WDR11: variants seen among roughly 807,000 people sequenced by gnomAD.
WDR11 encodes the protein WD repeat domain 11, also known as WD repeat-containing protein 11.
In WDR11, 83 loss-of-function variants were observed where a neutral mutation model predicts 151.2. The observed-to-expected ratio is 0.55, with a 90% CI of 0.46 to 0.66. The LOEUF (loss-of-function observed/expected upper bound fraction) is 0.66, where lower values mean the gene tolerates loss of function less well. WDR11 is among the 30% of genes least tolerant of loss of function. The pLI, the probability that WDR11 is intolerant of heterozygous loss-of-function variation, is 0.00. For missense variants in WDR11, 1,301 were observed against 1,480.9 expected, an observed-to-expected ratio of 0.88 and a Z score of 1.99; for synonymous variants, 484 against 533.1, an observed-to-expected ratio of 0.91 and a Z score of 1.27.
chr10:120,889,185 G>C lies in WDR11; in HGVS notation c.2228+1G>C. On this transcript the variant is annotated splice_donor_variant, in intron 17 of 28. Coordinates refer to ENST00000263461, the MANE Select transcript of WDR11 (RefSeq NM_018117.12). LOFTEE classifies it high-confidence loss of function. ...GGGACTTGAAAGGCAGAGTATCCAG[G>C]TATAAGCCAAGAATGAAATCTTGTT... 6.3e-7 allele frequency: 1 copy of C among 1,578,612 alleles called. No homozygotes were observed. Among genetic ancestry groups the C allele is most frequent in the Non-Finnish European group, 8.7e-7 (1 of 1,147,924 alleles).
rs1845770788 is a variant in WDR11, at chr10:120,851,517, C to T, written c.86+11C>T. 6.2e-7 allele frequency: 1 copy of T among 1,608,248 alleles called. No individual in the cohort carries two copies. Among genetic ancestry groups the T allele is most frequent in the South Asian group, 1.1e-5 (1 of 89,758 alleles). On this transcript the variant is annotated intron_variant, in intron 1 of 28. Coordinates refer to ENST00000263461, the MANE Select transcript of WDR11 (RefSeq NM_018117.12). ...GGCGGCGGTGGACTGGTGAGGACGCCGAGCTTCCAGGTCGCCAGGATCGGC... is the reference window on the plus strand; with the variant it reads ...GGCGGCGGTGGACTGGTGAGGACGCTGAGCTTCCAGGTCGCCAGGATCGGC...
In WDR11 at chr10:120,905,930, C is replaced by T. The variant is rs774331223; in HGVS notation, c.3346C>T (p.Leu1116Phe). ...ADVLRRWVDH[L>F]CSPQVNQKSK... ...TGTTTTAAGGCGGTGGGTTGACCAC[C>T]TTTGTTCTCCACAAGTCAATCAGAA... The change falls in exon 27 of 29, where the codon CTT becomes TTT. Residue 1116 changes from leucine to phenylalanine, a missense_variant. Leu to Phe is a conservative substitution (Grantham distance 22). Coordinates refer to ENST00000263461, the MANE Select transcript of WDR11 (RefSeq NM_018117.12). 3 of 1,614,176 alleles carry T rather than the reference C, an allele frequency of 1.9e-6. No homozygotes were observed. The highest frequency in any genetic ancestry group is 2.5e-6 in the Non-Finnish European group (3 of 1,180,046).
rs200941338 is a variant in WDR11, at chr10:120,890,707, C to T, written c.2344-9C>T. ...TGTCTGGAAGTGATGCCCAAATTCACTCTTGAAGGTTCAGATGGTGAGCAG... is the reference window on the plus strand; with the variant it reads ...TGTCTGGAAGTGATGCCCAAATTCATTCTTGAAGGTTCAGATGGTGAGCAG... On this transcript the variant is annotated splice_polypyrimidine_tract_variant and intron_variant, in intron 18 of 28. Transcript: ENST00000263461. 1,705 of 1,614,146 alleles carry T rather than the reference C, an allele frequency of 1.1e-3. 4 individuals carry two copies. The highest frequency in any genetic ancestry group is 9.7e-3 in the Middle Eastern group (59 of 6,062).
intron 2 of WDR11, among the ~76,000 whole-genome samples, chr10:120,854,513 T>A (rs1845882773): frequency 6.6e-6 from 1 of 152,232 alleles, no homozygotes; most frequent in African/African-American, 2.4e-5. Flanking sequence ...TCATTTCCCT[T>A]GAGTATGTTT....
intron 19 of WDR11, among the ~76,000 whole-genome samples, chr10:120,896,823 A>G (rs1411764061): frequency 6.6e-6 from 1 of 152,166 alleles, no homozygotes; most frequent in African/African-American, 2.4e-5. Flanking sequence ...TTGGGTTGGT[A>G]AAAAATCATG....
At chr10:120,851,577 A>T in intron 1 of WDR11, 71 bp downstream of exon 1, 1 of 1,552,106 alleles carries the variant, frequency 6.4e-7, no homozygotes, top group Non-Finnish European at 8.7e-7. Context: ...GAAGGACAAG[A>T]GGTTTCACCC....
intron 21 of WDR11, among the ~76,000 whole-genome samples, chr10:120,901,979 A>T (rs1847838755): frequency 6.6e-6 from 1 of 152,240 alleles, no homozygotes; most frequent in African/African-American, 2.4e-5. Context: ...TAGGCAGCTA[A>T]TACTTTCAAA....
At position 120,860,178 on chromosome 10, in the gene WDR11, T is replaced by C. The variant is rs763660369; in HGVS notation, c.422T>C (p.Ile141Thr). 8.7e-6 allele frequency: 14 copies of C among 1,614,046 alleles called. No individual in the cohort carries two copies. The highest frequency in any genetic ancestry group is 3.3e-5 in the Admixed American group (2 of 60,000). The stretch of plus-strand genomic sequence containing the variant: ...CTTGCTATCCACCCGCCAAATTACA[T>C]TGTGCTCTGGAATGCCGACACTGGC... ...LLLAIHPPNYIVLWNADTGTK... is the reference protein window; with the variant it reads ...LLLAIHPPNYTVLWNADTGTK... Residue 141 changes from isoleucine to threonine, a missense_variant, in exon 4 of 29, where the codon ATT becomes ACT. Physicochemically the swap from Ile to Thr is moderately conservative, Grantham distance 89. Coordinates refer to ENST00000263461, the MANE Select transcript of WDR11 (RefSeq NM_018117.12).
intron 19 of WDR11, among the ~76,000 whole-genome samples, chr10:120,891,634 C>T (rs747342306): frequency 6.6e-6 from 1 of 152,200 alleles, no homozygotes; most frequent in African/African-American, 2.4e-5. Flanking sequence ...GGTGCACACT[C>T]TAGGCTGATA....
Position 120,851,812 on chromosome 10 carries a change from G to A in WDR11, c.86+306G>A, listed in dbSNP as rs76217243. ...TCTTTTCCTCTCCTCCAGCTTCCAGGCTTCTCTCTCTCCACCATTAATTCC... is the reference window on the plus strand; with the variant it reads ...TCTTTTCCTCTCCTCCAGCTTCCAGACTTCTCTCTCTCCACCATTAATTCC... On this transcript the variant is annotated intron_variant, in intron 1 of 28. Transcript: ENST00000263461. The A allele has an allele frequency of 3.5e-3, 1,706 of 494,484 alleles. 43 individuals carry two copies. In the East Asian group the frequency reaches 0.041, roughly 12 times the overall value. The allele number at this position is 494,484 out of a possible 1,614,324, so 30.6% of individuals were successfully genotyped here.
rs74604624 is a variant in WDR11, at chr10:120,864,255, A to G, written c.714-792A>G. 6.0e-3 allele frequency among the ~76,000 whole-genome samples: 919 copies of G among 152,334 alleles called. 6 individuals carry two copies. Among genetic ancestry groups the G allele is most frequent in the Non-Finnish European group, 0.011 (752 of 68,018 alleles). On this transcript the variant is annotated intron_variant, in intron 5 of 28. Coordinates refer to ENST00000263461, the MANE Select transcript of WDR11 (RefSeq NM_018117.12). ...CAGTCGGGATTTTAATGCAATAAAA[A>G]TTCCTCTTTCTAGTCTTGTGAACTA...
At chr10:120,908,117 G>A (rs534129023) in intron 28 of WDR11, 25 of 208,478 alleles carry the variant, frequency 1.2e-4, no homozygotes, top group Non-Finnish European at 1.5e-4. Context: ...ATAGGACAGG[G>A]CTTTCTAAAA....
At chr10:120,870,707 A>G (rs968503200) in intron 9 of WDR11, among the ~76,000 whole-genome samples, 1 of 152,214 alleles carries the variant, frequency 6.6e-6, no homozygotes, top group Non-Finnish European at 1.5e-5. Context: ...AGTTATTTAA[A>G]TCTGTTTTTC....
Position 120,903,183 on chromosome 10 carries a change from A to G in WDR11, c.2882A>G (p.Asn961Ser). 1.2e-6 allele frequency: 2 copies of G among 1,614,218 alleles called. No individual in the cohort carries two copies. The highest frequency in any genetic ancestry group is 2.7e-5 in the African/African-American group (2 of 75,054). Residue 961 changes from asparagine (N) to serine (S), a missense_variant, in exon 23 of 29, where the codon AAC becomes AGC. Asn to Ser is a conservative substitution (Grantham distance 46). Around this residue, in one of 3 missense-constraint regions of WDR11, gnomAD observed 589 missense variants for 670.6 expected, o/e 0.88. Coordinates refer to ENST00000263461, the MANE Select transcript of WDR11 (RefSeq NM_018117.12). Reference sequence around the variant, plus strand: ...GCTGCTCCTCGAGACAAACTGAGCAACCCACTGGATATATGCTATGACGTG... The same window carrying G: ...GCTGCTCCTCGAGACAAACTGAGCAGCCCACTGGATATATGCTATGACGTG... ...KEAAPRDKLS[N>S]PLDICYDVLC...
At chr10:120,854,423 T>C (rs966560924) in intron 2 of WDR11, among the ~76,000 whole-genome samples, 7 of 152,362 alleles carry the variant, frequency 4.6e-5, no homozygotes, top group African/African-American at 1.7e-4. Flanking sequence ...GATGGACATT[T>C]GGATATTTTG....
intron 19 of WDR11, 117 bp downstream of exon 19, chr10:120,891,004 CTGAGTT>C (rs1297840406): frequency 7.0e-6 from 8 of 1,144,436 alleles, no homozygotes; most frequent in Non-Finnish European, 9.0e-6. Flanking sequence ...TTCTTAGAAT[CTGAGTT>C]TAAGAAAATA....
intron 25 of WDR11, 131 bp downstream of exon 25, chr10:120,904,942 C>T: frequency 3.8e-6 from 4 of 1,058,508 alleles, no homozygotes; most frequent in Non-Finnish European, 5.6e-6. Context: ...TTATTGCTAC[C>T]TATAAATCAG....
chr10:120,893,576 T>G (rs943137830), intron 19 of WDR11, among the ~76,000 whole-genome samples: 2 of 150,134 alleles, frequency 1.3e-5, no homozygotes, highest in African/African-American at 4.9e-5. Context: ...TCTAGATCCC[T>G]GAGGAATCGC....
intron 15 of WDR11, 53 bp from the exon 16 acceptor site, chr10:120,886,636 A>T: frequency 6.3e-7 from 1 of 1,583,488 alleles, no homozygotes. Context: ...AATTATGAGT[A>T]TCACTCTAGG....
Sources: gnomAD v4.1 joint callset for allele counts (sites outside exome capture counted in the v4.1 genomes callset) on GRCh38, gnomAD v4.1.1 for gene constraint, gnomAD v4.1.1 regional missense constraint, MANE v1.5 for transcripts, NCBI Gene and HGNC (gene_info 2026-07-23, HGNC 2026-07-21) for gene names.